NPL: variants seen among roughly 807,000 people sequenced by gnomAD.
NPL encodes the protein N-acetylneuraminate pyruvate lyase, also known as N-acetylneuraminate lyase.
A neutral mutation model predicts 41.1 loss-of-function variants in NPL; 32 were observed. The ratio of observed to expected loss-of-function variants is 0.78; its 90% CI spans 0.59 to 1.05. The LOEUF is 1.05. Among genes scored for constraint, NPL ranks in the 50% least tolerant of loss-of-function variants. NPL has a pLI of 0.00. For missense variants in NPL, 321 were observed against 378.4 expected (o/e 0.85, Z 1.26); for synonymous variants, 128 against 134.9 (o/e 0.95, Z 0.35).
intron 10 of NPL, among the ~76,000 whole-genome samples, chr1:182,819,862 C>T (rs796525417): frequency 8.5e-5 from 13 of 152,170 alleles, no homozygotes; most frequent in African/African-American, 3.1e-4. Context: ...AGCTTATGTA[C>T]AAGAAGATAT....
intron 3 of NPL, among the ~76,000 whole-genome samples, chr1:182,798,689 C>G (rs1008066843): frequency 6.6e-6 from 1 of 152,196 alleles, no homozygotes; most frequent in Non-Finnish European, 1.5e-5. Flanking sequence ...TCACAATACC[C>G]TCTGGTAAAA....
chr1:182,798,273 G>A (rs1190798519), intron 3 of NPL, among the ~76,000 whole-genome samples: 1 of 149,734 alleles, frequency 6.7e-6, no homozygotes, highest in Admixed American at 6.7e-5. Flanking sequence ...CTCGCAGCAG[G>A]CGGGAGTGCA....
chr1:182,818,204 G>C (rs1311245653), intron 8 of NPL, among the ~76,000 whole-genome samples: 1 of 152,204 alleles, frequency 6.6e-6, no homozygotes, highest in East Asian at 1.9e-4. Context: ...TCTGTGTCAG[G>C]AATCAGGGTC....
At chr1:182,818,718 G>A (rs751314609) in intron 9 of NPL, 29 bp downstream of exon 9, 2 of 1,614,118 alleles carry the variant, frequency 1.2e-6, no homozygotes, top group South Asian at 2.2e-5. Context: ...TGTTGCAGCA[G>A]GTCAGTTCCC....
At chr1:182,818,512 A>T (rs1667397217) in intron 8 of NPL, 29 bp from the exon 9 acceptor site, 1 of 1,612,484 alleles carries the variant, frequency 6.2e-7, no homozygotes, top group Admixed American at 1.7e-5. Context: ...AGATGTGCAG[A>T]TTAATGAGGC....
At position 182,799,192 on chromosome 1, in the gene NPL, C is replaced by T. The variant is rs530203370; in HGVS notation, c.69-4506C>T. 8.0e-4 allele frequency among the ~76,000 whole-genome samples: 122 copies of T among 152,308 alleles called. 1 individual carries two copies. The highest frequency in any genetic ancestry group is 2.7e-3 in the African/African-American group (113 of 41,582). On this transcript the variant is annotated intron_variant, in intron 3 of 12. Transcript: ENST00000367553. The stretch of plus-strand genomic sequence containing the variant: ...GTTGTAGAGTCTACCTGCAGTTTCA[C>T]AATCCACCCACTCTGGACCTCAATT...
At chr1:182,803,388 C>A (rs150727628) in intron 3 of NPL, among the ~76,000 whole-genome samples, 1 of 152,156 alleles carries the variant, frequency 6.6e-6, no homozygotes, top group African/African-American at 2.4e-5. Flanking sequence ...AAAGAGAGAG[C>A]GTTGGGCAAA....
intron 6 of NPL, among the ~76,000 whole-genome samples, chr1:182,814,447 A>G (rs1667266608): frequency 6.6e-6 from 1 of 152,242 alleles, no homozygotes. Context: ...AGTATCATCA[A>G]TGGGCTGAAC....
At chr1:182,806,289 C>G (rs1273919088) in intron 5 of NPL, 57 bp downstream of exon 5, 55 of 1,609,884 alleles carry the variant, frequency 3.4e-5, no homozygotes, top group Non-Finnish European at 9.3e-6. Flanking sequence ...TTCAGTGAGC[C>G]TCTTCCCCAG....
chr1:182,819,890 G>A (rs2102562257), intron 10 of NPL, among the ~76,000 whole-genome samples: 1 of 152,266 alleles, frequency 6.6e-6, no homozygotes, highest in Non-Finnish European at 1.5e-5. Flanking sequence ...TAAAATACTG[G>A]GAAATCACAT....
At position 182,794,442 on chromosome 1, in the gene NPL, A is replaced by G; in HGVS notation, c.68+3A>G. The G allele has an allele frequency of 6.2e-7, 1 of 1,613,996 alleles. No homozygotes were observed. The highest frequency in any genetic ancestry group is 8.5e-7 in the Non-Finnish European group (1 of 1,179,862). ...ATCACGCCAATGACTGAGAATGGGT[A>G]ACTATCATTTGGGGCCTTGAGGGGA... On this transcript the variant is annotated splice_donor_region_variant and intron_variant, in intron 3 of 12. Transcript: ENST00000367553.
chr1:182,809,141 G>GTCATAAGT (rs887435469), intron 5 of NPL: 1 of 386,154 alleles, frequency 2.6e-6, no homozygotes, highest in Admixed American at 3.3e-5. Context: ...ACATAACCCT[G>GTCATAAGT]TCATAAGTCA....
Position 182,825,830 on chromosome 1 carries a change from AC to A in NPL, c.778+13del. On this transcript the variant is annotated intron_variant, in intron 12 of 12. Coordinates refer to ENST00000367553, the MANE Select transcript of NPL (RefSeq NM_030769.3). ...TTTGTTGTCAAACTAGGTAAGTGCCACCCATCTTCTGCTTTGTCTGCTGCTG... is the reference window on the plus strand; with the variant it reads ...TTTGTTGTCAAACTAGGTAAGTGCCACCATCTTCTGCTTTGTCTGCTGCTG... 1.3e-6 allele frequency: 2 copies of A among 1,598,172 alleles called. No homozygotes were observed. Among genetic ancestry groups the A allele is most frequent in the Non-Finnish European group, 8.6e-7 (1 of 1,168,280 alleles).
Position 182,812,168 on chromosome 1 carries a change from GA to G in NPL, c.244del (p.Ile82Ter). On this transcript the variant is annotated frameshift_variant, in exon 6 of 13. Transcript: ENST00000367553. LOFTEE classifies it high-confidence loss of function. ...TKGKDKLDQV[I>X]IHVGALSLKE... ...TTTTCTTTTGCAGGCTGGATCAGGT[GA>G]TAATTCACGTAGGAGCACTGAGCTT... The G allele has an allele frequency of 6.2e-7, 1 of 1,613,972 alleles. No homozygotes were observed. The highest frequency in any genetic ancestry group is 1.1e-5 in the South Asian group (1 of 91,080).
chr1:182,807,720 C>CA (rs753955697), intron 5 of NPL, among the ~76,000 whole-genome samples: 7,279 of 55,448 alleles, frequency 0.13, 284 homozygotes, highest in Middle Eastern at 0.18. Flanking sequence ...ACTAAAAATA[C>CA]AAAAAAAAAA....
chr1:182,823,017 C>T (rs1331439052), intron 11 of NPL, among the ~76,000 whole-genome samples: 3 of 152,164 alleles, frequency 2.0e-5, no homozygotes, highest in Non-Finnish European at 2.9e-5. Context: ...TACAGGCATG[C>T]GCCACCATGC....
At chr1:182,807,069 A>G (rs1469097528) in intron 5 of NPL, among the ~76,000 whole-genome samples, 1 of 152,116 alleles carries the variant, frequency 6.6e-6, no homozygotes, top group Non-Finnish European at 1.5e-5. Flanking sequence ...TGATCTCCTG[A>G]TTTCGTGATC....
intron 8 of NPL, 76 bp from the exon 9 acceptor site, chr1:182,818,465 G>T: frequency 6.3e-7 from 1 of 1,582,586 alleles, no homozygotes; most frequent in Admixed American, 1.7e-5. Flanking sequence ...GCAGCTCACT[G>T]CAGATGCATG....
intron 10 of NPL, 138 bp from the exon 11 acceptor site, chr1:182,821,977 C>T: frequency 2.8e-6 from 2 of 709,854 alleles, no homozygotes; most frequent in Non-Finnish European, 5.2e-6. Context: ...AGTCTTGTCC[C>T]CTAATAGATT....
Sources: gnomAD v4.1 joint callset for allele counts (sites outside exome capture counted in the v4.1 genomes callset) on GRCh38, gnomAD v4.1.1 for gene constraint, MANE v1.5 for transcripts, NCBI Gene and HGNC (gene_info 2026-07-23, HGNC 2026-07-21) for gene names.